Variants in FAM20A observed in about 807,000 individuals in gnomAD.
FAM20A encodes the protein pseudokinase FAM20A.
In FAM20A, 42 loss-of-function variants were observed where a neutral mutation model predicts 52.0. That is an observed-to-expected ratio of 0.81 (90% CI 0.63 to 1.04). FAM20A has a LOEUF of 1.04. Among genes scored for constraint, FAM20A ranks in the 50% least tolerant of loss-of-function variants. The pLI is 0.00. For synonymous variants in FAM20A, 304 were observed against 298.9 expected (o/e 1.02, Z -0.18); for missense variants, 742 against 712.7 (o/e 1.04, Z -0.47).
chr17:68,553,926 A>ATGCATATATACATATATACACACATATG (rs2086958340), intron 3 of FAM20A, among the ~76,000 whole-genome samples: 1 of 136,564 alleles, frequency 7.3e-6, no homozygotes, highest in Non-Finnish European at 1.5e-5. Flanking sequence ...ACACACATAT[A>ATGCATATATACATATATACACACATATG]TGCATATATA....
rs1441795615 is a variant in FAM20A, at chr17:68,540,852, T to C, written c.1216A>G (p.Ile406Val). 5.0e-6 allele frequency: 8 copies of C among 1,598,086 alleles called. No homozygotes were observed. The highest frequency in any genetic ancestry group is 6.8e-6 in the Non-Finnish European group (8 of 1,171,844). The change falls in exon 8 of 11, where the codon ATA (isoleucine) becomes GTA (valine). Residue 406 changes from isoleucine to valine, a missense_variant. Coordinates refer to ENST00000592554, the MANE Select transcript of FAM20A (RefSeq NM_017565.4). Reference sequence around the variant, plus strand: ...GGGCCTGCGTGTGGGGACCTACCTATCAAGAAGTCGAAGATGGCCATGTCG... The same window carrying C: ...GGGCCTGCGTGTGGGGACCTACCTACCAAGAAGTCGAAGATGGCCATGTCG... Reference protein sequence around the residue: ...VIDMAIFDFLIGNMDRHHYEM... With the variant: ...VIDMAIFDFLVGNMDRHHYEM...
chr17:68,578,839 A>C (rs2087850761), intron 1 of FAM20A, among the ~76,000 whole-genome samples: 1 of 988 alleles, frequency 1.0e-3, no homozygotes, highest in Non-Finnish European at 2.0e-3. Context: ...TAAAAATACC[A>C]AAAAAAAAAA....
intron 1 of FAM20A, among the ~76,000 whole-genome samples, chr17:68,577,433 G>C (rs1005577195): frequency 6.6e-6 from 1 of 152,200 alleles, no homozygotes; most frequent in South Asian, 2.1e-4. Context: ...CCAGTGGTTC[G>C]CCACTGGGGG....
At chr17:68,544,970 G>C (rs1018121944) in intron 4 of FAM20A, among the ~76,000 whole-genome samples, 8 of 152,072 alleles carry the variant, frequency 5.3e-5, no homozygotes, top group Admixed American at 2.0e-4. Context: ...ACTAATGCAC[G>C]TCTCATTGCA....
At chr17:68,571,092 C>T (rs2087522926) in intron 1 of FAM20A, among the ~76,000 whole-genome samples, 1 of 151,996 alleles carries the variant, frequency 6.6e-6, no homozygotes, top group African/African-American at 2.4e-5. Flanking sequence ...GCCTGGGATC[C>T]CAAATAGTGA....
At chr17:68,590,477 G>A (rs1222485986) in intron 1 of FAM20A, 1 of 152,202 alleles carries the variant, frequency 6.6e-6, no homozygotes, top group Non-Finnish European at 1.5e-5. Context: ...GGGAGAAAGA[G>A]ACATGAACCC....
chr17:68,591,182 C>T (rs1224678191), intron 1 of FAM20A, among the ~76,000 whole-genome samples: 1 of 152,192 alleles, frequency 6.6e-6, no homozygotes, highest in Non-Finnish European at 1.5e-5. Context: ...TCTCGGCTAA[C>T]TGCAAGCTCC....
In FAM20A at chr17:68,540,935, C is replaced by T. The variant is rs1568720641; in HGVS notation, c.1133G>A (p.Cys378Tyr). The change falls in exon 8 of 11, where the codon TGT becomes TAT. Residue 378 changes from cysteine (C) to tyrosine (Y), a missense_variant. Transcript: ENST00000592554. Reference protein sequence around the residue: ...KEEWEVNPLYCDTVKQIYPYN... With the variant: ...KEEWEVNPLYYDTVKQIYPYN... ...CGGGTAGATCTGTTTCACTGTGTCA[C>T]AGTAAAGGGGATTGACCTCCCACCT... 6.3e-7 allele frequency: 1 copy of T among 1,596,872 alleles called. No individual in the cohort carries two copies.
rs1366439347 is a variant in FAM20A at position 68,600,172 on chromosome 17, T to C, written c.404+91A>G. The C allele has an allele frequency of 6.9e-7, 1 of 1,449,000 alleles. No individual in the cohort carries two copies. Among genetic ancestry groups the C allele is most frequent in the East Asian group, 2.5e-5 (1 of 40,268 alleles). The allele number at this position is 1,449,000 out of a possible 1,614,324, so 89.8% of individuals were successfully genotyped here. ...GCCGTGGGTGGAGCCGCTGCAGCCCTGGGCCGGGGGCGTCAGGAAACTCGA... is the reference window on the plus strand; with the variant it reads ...GCCGTGGGTGGAGCCGCTGCAGCCCCGGGCCGGGGGCGTCAGGAAACTCGA... On this transcript the variant is annotated intron_variant, in intron 1 of 10. Transcript: ENST00000592554. This position sits in a 1 kb window ranked among gnomAD's most constrained non-coding sequence, Gnocchi z 6.2.
At chr17:68,552,944 G>C in intron 3 of FAM20A, among the ~76,000 whole-genome samples, 1 of 144,548 alleles carries the variant, frequency 6.9e-6, no homozygotes, top group Non-Finnish European at 1.6e-5. Context: ...GCCTCCCAAA[G>C]TGCTGGGATT....
At chr17:68,571,182 A>G (rs975909227) in intron 1 of FAM20A, among the ~76,000 whole-genome samples, 5 of 152,214 alleles carry the variant, frequency 3.3e-5, no homozygotes, top group African/African-American at 1.2e-4. Flanking sequence ...ATTGTGCTAT[A>G]CCATCAGAAG....
intron 1 of FAM20A, among the ~76,000 whole-genome samples, chr17:68,570,033 C>T (rs1375830749): frequency 6.6e-6 from 1 of 152,192 alleles, no homozygotes; most frequent in African/African-American, 2.4e-5. Context: ...TTCTGCTTAA[C>T]CCTTGAATCC....
In FAM20A at chr17:68,588,023, T is replaced by A. The variant is rs572549020; in HGVS notation, c.404+12240A>T. Among the ~76,000 whole-genome samples, 110 of 152,230 alleles carry A rather than the reference T, an allele frequency of 7.2e-4. 1 individual carries two copies. Among genetic ancestry groups the A allele is most frequent in the Non-Finnish European group, 1.1e-3 (72 of 68,012 alleles). On this transcript the variant is annotated intron_variant, in intron 1 of 10. Transcript: ENST00000592554. ...TTAAAACCTTTGTGAGATGATACTG[T>A]ATGCTTGATTCATCCAACCACAGCA...
At position 68,586,390 on chromosome 17, in the gene FAM20A, T is replaced by G. The variant is rs183873728; in HGVS notation, c.404+13873A>C. ...GACTGAATGGTCCCCCAAAAGATAATCCCTGGAACCTGTGAATGTGACTTT... is the reference window on the plus strand; with the variant it reads ...GACTGAATGGTCCCCCAAAAGATAAGCCCTGGAACCTGTGAATGTGACTTT... On this transcript the variant is annotated intron_variant, in intron 1 of 10. Coordinates refer to ENST00000592554, the MANE Select transcript of FAM20A (RefSeq NM_017565.4). 1.7e-3 allele frequency among the ~76,000 whole-genome samples: 266 copies of G among 152,304 alleles called. 2 individuals are homozygous for G. Among genetic ancestry groups the G allele is most frequent in the Middle Eastern group, 3.4e-3 (1 of 294 alleles).
chr17:68,540,763 G>T (rs1262339351), intron 8 of FAM20A, 86 bp downstream of exon 8: 4 of 1,504,226 alleles, frequency 2.7e-6, no homozygotes, highest in Non-Finnish European at 3.6e-6. Context: ...CATGAACCAG[G>T]TTGTAAGTTT....
rs747654899 is a variant in FAM20A, at chr17:68,550,369, CT to C, written c.719+1503del. ...CTTTCACATAGGAAAAATGGGGGAA[CT>C]TTTTTTTTTTTTTTTTTTTTTTTTT... On this transcript the variant is annotated intron_variant, in intron 4 of 10. Transcript: ENST00000592554. Among the ~76,000 whole-genome samples the C allele has an allele frequency of 1.2e-3, 98 of 79,380 alleles. 1 individual carries two copies. Among genetic ancestry groups the C allele is most frequent in the Middle Eastern group, 0.012 (1 of 84 alleles). The allele number at this position is 79,380 out of a possible 152,430, so 52.1% of individuals were successfully genotyped here.
chr17:68,536,600 G>A lies in FAM20A; in HGVS notation c.*877C>T. ...TTTCTTCTTTTGGGGATGGGCCGGG[G>A]ACAATCCTGGGGTCTTAGGGAAGAA... On this transcript the variant is annotated 3_prime_UTR_variant, in exon 11 of 11. Coordinates refer to ENST00000592554, the MANE Select transcript of FAM20A (RefSeq NM_017565.4). 2.2e-6 allele frequency: 1 copy of A among 453,472 alleles called. No homozygotes were observed. Among genetic ancestry groups the A allele is most frequent in the Non-Finnish European group, 4.4e-6 (1 of 226,580 alleles). The allele number at this position is 453,472 out of a possible 1,614,324, so 28.1% of individuals were successfully genotyped here.
intron 1 of FAM20A, among the ~76,000 whole-genome samples, chr17:68,583,674 T>C (rs1482082886): frequency 6.6e-6 from 1 of 152,186 alleles, no homozygotes; most frequent in Non-Finnish European, 1.5e-5. Context: ...TGCAGCACTT[T>C]GGGAGGCCAA....
At position 68,558,664 on chromosome 17, in the gene FAM20A, G is replaced by A. The variant is rs1490969896; in HGVS notation, c.405-2921C>T. On this transcript the variant is annotated intron_variant, in intron 1 of 10. Transcript: ENST00000592554. Reference sequence around the variant, plus strand: ...CTTCCTGTACAGCCTGCAGAACCATGAGCCAATTACATCTTTTTTTAAAAA... The same window carrying A: ...CTTCCTGTACAGCCTGCAGAACCATAAGCCAATTACATCTTTTTTTAAAAA... 3.3e-5 allele frequency among the ~76,000 whole-genome samples: 5 copies of A among 152,186 alleles called. No individual in the cohort carries two copies. The East Asian group carries it at 5.8e-4, about 18-fold the overall frequency.
Sources: gnomAD v4.1 joint callset for allele counts (sites outside exome capture counted in the v4.1 genomes callset) on GRCh38, gnomAD v4.1.1 for gene constraint, Gnocchi (gnomAD v3.1) non-coding constraint, MANE v1.5 for transcripts, NCBI Gene and HGNC (gene_info 2026-07-23, HGNC 2026-07-21) for gene names.